Variants in NRL observed in about 807,000 individuals in gnomAD.
NRL encodes the protein neural retina-specific leucine zipper protein.
In NRL, 16 loss-of-function variants were observed where a neutral mutation model predicts 12.5. The ratio of observed to expected loss-of-function variants is 1.28; its 90% CI spans 0.87 to 1.95. NRL has a LOEUF of 1.95. Among genes scored for constraint, NRL ranks in the 30% most tolerant of loss-of-function variants. The probability of loss-of-function intolerance (pLI) is 0.00; values close to 1 mark genes in which losing one functional copy is unlikely to be tolerated. For missense variants in NRL, 314 were observed against 325.8 expected, an observed-to-expected ratio of 0.96 and a Z score of 0.28; for synonymous variants, 142 against 150.9, an observed-to-expected ratio of 0.94 and a Z score of 0.43.
At chr14:24,102,551 C>G in intron 1 of NRL, 1 of 568,030 alleles carries the variant, frequency 1.8e-6, no homozygotes, top group East Asian at 2.8e-5. Flanking sequence ...CATAGCTCAG[C>G]TGGCCGCACC....
At position 24,111,061 on chromosome 14, in the gene NRL, A is replaced by C. The variant is rs545506460; in HGVS notation, c.-28+3661T>G. Among the ~76,000 whole-genome samples the C allele has an allele frequency of 9.8e-5, 15 of 152,358 alleles. No individual in the cohort carries two copies. The South Asian group carries it at 2.9e-3, about 29-fold the overall frequency. On this transcript the variant is annotated intron_variant, in intron 1 of 2. Coordinates refer to ENST00000561028, the MANE Select transcript of NRL (RefSeq NM_001354768.3). Reference sequence around the variant, plus strand: ...CAGTGGAGCAATCATGGCTCACTGCAGCCTCCACCTCATAGGCTCAAGATT... The same window carrying C: ...CAGTGGAGCAATCATGGCTCACTGCCGCCTCCACCTCATAGGCTCAAGATT...
chr14:24,097,544 A>G (rs1336029002), intron 1 of NRL, among the ~76,000 whole-genome samples: 1 of 151,174 alleles, frequency 6.6e-6, no homozygotes, highest in African/African-American at 2.4e-5. Flanking sequence ...AGCCTGGGCA[A>G]TAAGAGCGAA....
At chr14:24,100,918 A>T (rs944077890) in intron 1 of NRL, among the ~76,000 whole-genome samples, 1 of 152,002 alleles carries the variant, frequency 6.6e-6, no homozygotes, top group Non-Finnish European at 1.5e-5. Flanking sequence ...TCAGCCCTGC[A>T]CTCTGGACCT....
rs772648688 is a variant in NRL at position 24,098,450 on chromosome 14, A to AT, written c.-27-15576dup. Reference sequence around the variant, plus strand: ...GATGTGAACAGGTTTGGAACCCTTCATCCAGGGGATGCCTTCCTCCACAGG... The same window carrying AT: ...GATGTGAACAGGTTTGGAACCCTTCATTCCAGGGGATGCCTTCCTCCACAGG... On this transcript the variant is annotated intron_variant, in intron 1 of 2. Coordinates refer to ENST00000561028, the MANE Select transcript of NRL (RefSeq NM_001354768.3). 3 of 1,613,724 alleles carry AT rather than the reference A, an allele frequency of 1.9e-6. No individual in the cohort carries two copies. The East Asian group carries it at 6.7e-5, about 36-fold the overall frequency.
At chr14:24,103,705 T>C (rs763151139) in intron 1 of NRL, 2 of 1,614,156 alleles carry the variant, frequency 1.2e-6, no homozygotes, top group African/African-American at 1.3e-5. Flanking sequence ...GCTCGGGTGC[T>C]AGACTGGATC....
rs1873826087 is a variant in NRL, at chr14:24,080,053, C to T, written c.*1183G>A. On this transcript the variant is annotated 3_prime_UTR_variant, in exon 3 of 3. Transcript: ENST00000561028. Reference sequence around the variant, plus strand: ...CTTTTTCTTGCTCTCTCTCTCTCTCCCTCTCTCTCCCTCTCCCACACACAG... The same window carrying T: ...CTTTTTCTTGCTCTCTCTCTCTCTCTCTCTCTCTCCCTCTCCCACACACAG... The T allele has an allele frequency of 6.6e-6, 1 of 151,962 alleles. No homozygotes were observed. The highest frequency in any genetic ancestry group is 1.5e-5 in the Non-Finnish European group (1 of 67,890). The allele number at this position is 151,962 out of a possible 1,614,324, so 9.4% of individuals were successfully genotyped here.
At chr14:24,088,345 G>T (rs550813442) in intron 1 of NRL, among the ~76,000 whole-genome samples, 1 of 152,260 alleles carries the variant, frequency 6.6e-6, no homozygotes, top group Non-Finnish European at 1.5e-5. Context: ...AGGGGTAGCT[G>T]CTTGCAGGAG....
At chr14:24,099,289 G>A in intron 1 of NRL, 2 of 1,517,374 alleles carry the variant, frequency 1.3e-6, no homozygotes, top group East Asian at 2.3e-5. Context: ...CAGGGGTGGG[G>A]CCTGGCCAGT....
At chr14:24,100,370 C>T (rs1372553596) in intron 1 of NRL, 5 of 1,427,776 alleles carry the variant, frequency 3.5e-6, no homozygotes, top group Non-Finnish European at 3.7e-6. Flanking sequence ...AATCTCAGTT[C>T]ATGTCCCAAC....
intron 1 of NRL, among the ~76,000 whole-genome samples, chr14:24,108,169 C>G (rs1242753076): frequency 6.6e-6 from 1 of 152,162 alleles, no homozygotes; most frequent in South Asian, 2.1e-4. Flanking sequence ...AGCTTTTTCT[C>G]TAAGAAGCTC....
chr14:24,097,299 C>T (rs1417494156), intron 1 of NRL, among the ~76,000 whole-genome samples: 7 of 151,754 alleles, frequency 4.6e-5, no homozygotes, highest in Non-Finnish European at 1.0e-4. Context: ...GCCTATAATC[C>T]CAGCACTTTG....
chr14:24,083,544 T>C (rs1480105617), intron 1 of NRL, among the ~76,000 whole-genome samples: 1 of 152,202 alleles, frequency 6.6e-6, no homozygotes, highest in Non-Finnish European at 1.5e-5. Context: ...TCAAGGCCAG[T>C]CTCTCCAAGG....
At chr14:24,098,251 G>A (rs1021264551) in intron 1 of NRL, 2 of 1,613,980 alleles carry the variant, frequency 1.2e-6, no homozygotes, top group Non-Finnish European at 1.7e-6. Context: ...TAGAGAGCAA[G>A]ACGGTGATTG....
chr14:24,089,343 G>A (rs1237755680), intron 1 of NRL, among the ~76,000 whole-genome samples: 1 of 151,876 alleles, frequency 6.6e-6, no homozygotes, highest in Non-Finnish European at 1.5e-5. Flanking sequence ...GAACTCCTGG[G>A]CTCAAGCTAT....
Position 24,094,252 on chromosome 14 carries a change from C to A in NRL, c.-27-11377G>T. 1 of 701,400 alleles carries A rather than the reference C, an allele frequency of 1.4e-6. No homozygotes were observed. Among genetic ancestry groups the A allele is most frequent in the Non-Finnish European group, 2.4e-6 (1 of 422,422 alleles). The allele number at this position is 701,400 out of a possible 1,614,324, so 43.4% of individuals were successfully genotyped here. On this transcript the variant is annotated intron_variant, in intron 1 of 2. Transcript: ENST00000561028. The surrounding 1 kb of genome is among the most constrained non-coding windows in gnomAD (Gnocchi z 4.1). ...GGAGGAAAGCTAGTGCCAGCCCTACCAGGTTCCGCCCCCGCGCCTGCCCCC... is the reference window on the plus strand; with the variant it reads ...GGAGGAAAGCTAGTGCCAGCCCTACAAGGTTCCGCCCCCGCGCCTGCCCCC...
At chr14:24,103,343 C>G in intron 1 of NRL, 1 of 1,213,366 alleles carries the variant, frequency 8.2e-7, no homozygotes, top group East Asian at 2.4e-5. Flanking sequence ...CTTTTGTCCA[C>G]CCCTGGAGTC....
chr14:24,111,196 C>T (rs2037413229), intron 1 of NRL, among the ~76,000 whole-genome samples: 1 of 151,846 alleles, frequency 6.6e-6, no homozygotes, highest in South Asian at 2.1e-4. Flanking sequence ...CCCAGGCTGG[C>T]CTTGAACTCC....
chr14:24,098,484 TGTA>T (rs775732704), intron 1 of NRL: 1 of 1,614,034 alleles, frequency 6.2e-7, no homozygotes, highest in Non-Finnish European at 8.5e-7. Flanking sequence ...GGCCGCACCA[TGTA>T]TGTGCTTCCA....
At chr14:24,107,877 T>C (rs529313543) in intron 1 of NRL, among the ~76,000 whole-genome samples, 1 of 152,368 alleles carries the variant, frequency 6.6e-6, no homozygotes, top group South Asian at 2.1e-4. Flanking sequence ...TAATTCTTTA[T>C]CTTTATTTAT....
Sources: allele counts gnomAD v4.1 joint callset (sites outside exome capture counted in the v4.1 genomes callset), GRCh38; gene constraint gnomAD v4.1.1; non-coding constraint Gnocchi (gnomAD v3.1); transcripts MANE v1.5; gene names NCBI Gene and HGNC (gene_info 2026-07-23, HGNC 2026-07-21).